The following ABI3BP variants were observed in gnomAD, a reference collection of about 807,000 sequenced individuals.
The protein encoded by ABI3BP is target of Nesh-SH3.
Under a neutral mutation model 268.6 loss-of-function variants are expected in ABI3BP, and 216 were observed. That is an observed-to-expected ratio of 0.80 (90% CI 0.72 to 0.90). The LOEUF is 0.90. Ranked by LOEUF, ABI3BP falls within the 40% of genes least tolerant of loss-of-function variation. The pLI is 0.00. For synonymous variants in ABI3BP, 730 were observed against 730.0 expected (o/e 1.00, Z 0.00); for missense variants, 2,090 against 2,182.4 (o/e 0.96, Z 0.84).
intron 1 of ABI3BP, among the ~76,000 whole-genome samples, chr3:100,976,196 T>C (rs1039829110): frequency 2.9e-4 from 44 of 152,204 alleles, no homozygotes; most frequent in Non-Finnish European, 5.9e-4. Context: ...TTTATAAATA[T>C]GCTGCCTGCT....
chr3:100,824,810 C>T (rs549271041), intron 36 of ABI3BP, 48 bp downstream of exon 36: 87 of 1,473,476 alleles, frequency 5.9e-5, no homozygotes, highest in South Asian at 3.6e-4. Flanking sequence ...GTCCCCACTG[C>T]GACAGGCTGC....
chr3:100,862,815 T>C (rs1321478230), intron 13 of ABI3BP, 23 bp downstream of exon 13: 2 of 1,498,856 alleles, frequency 1.3e-6, no homozygotes, highest in East Asian at 4.9e-5. Flanking sequence ...GCCTTAATAT[T>C]AAATTTAAGG....
At chr3:100,874,392 T>C (rs2153262304) in intron 9 of ABI3BP, among the ~76,000 whole-genome samples, 1 of 152,304 alleles carries the variant, frequency 6.6e-6, no homozygotes, top group East Asian at 1.9e-4. Context: ...CTTTTACTCT[T>C]ATGTTTTATG....
At chr3:100,911,393 C>T (rs2056404335) in intron 2 of ABI3BP, 1 of 263,268 alleles carries the variant, frequency 3.8e-6, no homozygotes, top group Non-Finnish European at 7.2e-6. Flanking sequence ...ATATTCTTCT[C>T]TCAGGCTGCC....
At chr3:100,972,529 T>A (rs2084093163) in intron 1 of ABI3BP, among the ~76,000 whole-genome samples, 1 of 152,346 alleles carries the variant, frequency 6.6e-6, no homozygotes, top group Admixed American at 6.5e-5. Flanking sequence ...CTTCATAAGT[T>A]AATGCACATT....
chr3:100,789,157 A>G (rs184980467), intron 56 of ABI3BP, among the ~76,000 whole-genome samples: 2 of 152,246 alleles, frequency 1.3e-5, no homozygotes, highest in East Asian at 3.9e-4. Flanking sequence ...ATAACATGTC[A>G]TAGCTAACTC....
chr3:100,928,275 A>G (rs73143044), intron 1 of ABI3BP, among the ~76,000 whole-genome samples: 21,776 of 152,102 alleles, frequency 0.14, 1,645 homozygotes, highest in Middle Eastern at 0.2. Flanking sequence ...TATTTAAAAA[A>G]TATTTTGACT....
chr3:100,838,395 T>TG lies in ABI3BP; in HGVS notation c.2008+6dup. The TG allele has an allele frequency of 6.5e-7, 1 of 1,535,272 alleles. No individual in the cohort carries two copies. Among genetic ancestry groups the TG allele is most frequent in the Non-Finnish European group, 8.7e-7 (1 of 1,146,142 alleles). The stretch of plus-strand genomic sequence containing the variant: ...TTATAGATCAAGGCATTGAAAGTAA[T>TG]GATTACCAGGCTGAATTTGAGGTGC... On this transcript the variant is annotated splice_region_variant and intron_variant, in intron 25 of 67. Coordinates refer to ENST00000471714, the MANE Select transcript of ABI3BP (RefSeq NM_001375547.2).
Position 100,873,865 on chromosome 3 carries a change from T to G in ABI3BP, c.910+976A>C, listed in dbSNP as rs12494609. On this transcript the variant is annotated intron_variant, in intron 9 of 67. Coordinates refer to ENST00000471714, the MANE Select transcript of ABI3BP (RefSeq NM_001375547.2). ...AGGGTAATGCATAGTATTTGTTGAA[T>G]GACTGTGGCCAAACAGGGGCTTGGG... Among the ~76,000 whole-genome samples, 968 of 152,132 alleles carry G rather than the reference T, an allele frequency of 6.4e-3. 11 individuals carry two copies. Among genetic ancestry groups the G allele is most frequent in the African/African-American group, 0.022 (902 of 41,478 alleles).
At chr3:100,765,727 A>C in intron 63 of ABI3BP, 114 bp downstream of exon 63, 1 of 788,352 alleles carries the variant, frequency 1.3e-6, no homozygotes, top group South Asian at 1.7e-5. Context: ...CCAAGAGTGA[A>C]ATGGAAGCTA....
intron 2 of ABI3BP, among the ~76,000 whole-genome samples, chr3:100,908,310 A>G (rs1325325185): frequency 1.3e-5 from 2 of 152,118 alleles, no homozygotes; most frequent in Admixed American, 6.5e-5. Context: ...TGGCACCAAC[A>G]ATGATACTGG....
intron 5 of ABI3BP, 78 bp downstream of exon 5, chr3:100,886,064 G>T: frequency 1.8e-6 from 2 of 1,116,958 alleles, no homozygotes; most frequent in South Asian, 1.9e-5. Context: ...ATTATACAAT[G>T]AATAACATAA....
intron 44 of ABI3BP, among the ~76,000 whole-genome samples, chr3:100,814,772 C>T (rs1166501381): frequency 1.3e-5 from 2 of 152,198 alleles, no homozygotes; most frequent in Middle Eastern, 3.4e-3. Flanking sequence ...AAAGTAGCAG[C>T]ACCATTGAGA....
At chr3:100,924,653 T>C (rs1379539954) in intron 2 of ABI3BP, among the ~76,000 whole-genome samples, 2 of 152,152 alleles carry the variant, frequency 1.3e-5, no homozygotes, top group Admixed American at 6.6e-5. Flanking sequence ...ATGAACATAA[T>C]ATAAATAAAT....
At position 100,862,873 on chromosome 3, in the gene ABI3BP, G is replaced by T. The variant is rs1475893365; in HGVS notation, c.1175C>A (p.Thr392Lys). Residue 392 changes from threonine to lysine, a missense_variant, in exon 13 of 68, where the codon ACA becomes AAA. Physicochemically the swap from Thr to Lys is moderately conservative, Grantham distance 78. Coordinates refer to ENST00000471714, the MANE Select transcript of ABI3BP (RefSeq NM_001375547.2). ...KSLPEFPEAK[T>K]PFPFEKPRGT... ...CCTAGGTTTCTCAAAAGGGAAGGGT[G>T]TTTTTGCCTCAGGAAATTCTGGAAG... 4 of 1,535,646 alleles carry T rather than the reference G, an allele frequency of 2.6e-6. No homozygotes were observed. The Admixed American group carries it at 5.9e-5, about 23-fold the overall frequency.
intron 1 of ABI3BP, among the ~76,000 whole-genome samples, chr3:100,941,861 C>G (rs1224657337): frequency 6.6e-6 from 1 of 152,244 alleles, no homozygotes; most frequent in South Asian, 2.1e-4. Flanking sequence ...ACACAGGTGT[C>G]AATTGCACAC....
chr3:100,980,112 C>T (rs1045483385), intron 1 of ABI3BP, among the ~76,000 whole-genome samples: 3 of 152,156 alleles, frequency 2.0e-5, no homozygotes, highest in African/African-American at 7.2e-5. Flanking sequence ...AAGAATTTTG[C>T]AAGTAGGTTA....
intron 1 of ABI3BP, among the ~76,000 whole-genome samples, chr3:100,926,800 G>A (rs2061931537): frequency 6.6e-6 from 1 of 152,208 alleles, no homozygotes; most frequent in South Asian, 2.1e-4. Flanking sequence ...ATGGTGAAAG[G>A]ACCTGAATTT....
rs930417740 is a variant in ABI3BP at position 100,875,029 on chromosome 3, T to G, written c.818-96A>C. 1.6e-5 allele frequency: 10 copies of G among 624,596 alleles called. No individual in the cohort carries two copies. In the Admixed American group the frequency reaches 3.1e-4, roughly 19 times the overall value. The allele number at this position is 624,596 out of a possible 1,614,324, so 38.7% of individuals were successfully genotyped here. On this transcript the variant is annotated intron_variant, in intron 8 of 67. Transcript: ENST00000471714. ...ATCAGATATTACAAACTATGAAGCA[T>G]AGCACTTATTTTGCTTAGTAAATTT... is the stretch of plus-strand genomic sequence containing the variant.
Sources: allele counts gnomAD v4.1 joint callset (sites outside exome capture counted in the v4.1 genomes callset), GRCh38; gene constraint gnomAD v4.1.1; transcripts MANE v1.5; gene names NCBI Gene and HGNC (gene_info 2026-07-23, HGNC 2026-07-21).